Variants in PARD3B observed in about 807,000 individuals in gnomAD.
The protein encoded by PARD3B is par-3 family cell polarity regulator beta, also known as partitioning defective 3 homolog B.
In PARD3B, 103 loss-of-function variants were observed where a neutral mutation model predicts 130.2. That is an observed-to-expected ratio of 0.79 (90% CI 0.67 to 0.93). The LOEUF (loss-of-function observed/expected upper bound fraction) is 0.93, where lower values mean the gene tolerates loss of function less well. PARD3B is among the 40% of genes least tolerant of loss of function. The probability of loss-of-function intolerance (pLI) is 0.00; values close to 1 mark genes in which losing one functional copy is unlikely to be tolerated. For synonymous variants in PARD3B, 583 were observed against 553.2 expected, an observed-to-expected ratio of 1.05 and a Z score of -0.76; for missense variants, 1,609 against 1,499.2, an observed-to-expected ratio of 1.07 and a Z score of -1.21.
rs185237344 is a variant in PARD3B, at chr2:204,691,577, A to G, written c.222+5295A>G. ...CTTGGTTTCCCCATTTGTAAAATGA[A>G]TATAATGTTCTTACAGGGTTGGTGT... is the stretch of plus-strand genomic sequence containing the variant. On this transcript the variant is annotated intron_variant, in intron 2 of 22. Transcript: ENST00000406610. 1.7e-4 allele frequency among the ~76,000 whole-genome samples: 26 copies of G among 152,224 alleles called. 3 individuals are homozygous for G. The highest frequency in any genetic ancestry group is 1.5e-3 in the East Asian group (8 of 5,170).
chr2:205,147,647 T>G (rs553111196), intron 10 of PARD3B, among the ~76,000 whole-genome samples: 1 of 152,160 alleles, frequency 6.6e-6, no homozygotes, highest in Non-Finnish European at 1.5e-5. Context: ...TTATAAAGAA[T>G]GTCTAGAATT....
Position 204,778,553 on chromosome 2 carries a change from G to T in PARD3B, c.222+92271G>T, listed in dbSNP as rs575499268. Among the ~76,000 whole-genome samples, 73 of 152,248 alleles carry T rather than the reference G, an allele frequency of 4.8e-4. 1 individual carries two copies. In the South Asian group the frequency reaches 0.015, roughly 31 times the overall value. On this transcript the variant is annotated intron_variant, in intron 2 of 22. Transcript: ENST00000406610. ...TTGTACATGGATGATAGTGTAAAGT[G>T]CAGTATTGGATGGATCTGAAATTTC...
Position 205,301,750 on chromosome 2 carries a change from G to A in PARD3B, c.2630+49G>A. ...AGTTGGTTCTCATTTTGTCTCTCCT[G>A]GTAAAATCACTCCTTTGTCTGTACT... On this transcript the variant is annotated intron_variant, in intron 18 of 22. Transcript: ENST00000406610. This position sits in a 1 kb window ranked among gnomAD's most constrained non-coding sequence, Gnocchi z 5.2. 3 of 1,614,034 alleles carry A rather than the reference G, an allele frequency of 1.9e-6. No individual in the cohort carries two copies. The highest frequency in any genetic ancestry group is 2.5e-6 in the Non-Finnish European group (3 of 1,179,940).
intron 2 of PARD3B, among the ~76,000 whole-genome samples, chr2:204,813,596 A>G (rs1014704194): frequency 6.6e-6 from 1 of 152,034 alleles, no homozygotes; most frequent in Admixed American, 6.6e-5. Context: ...GCCTAATCTC[A>G]GTTTGCAAAG....
At chr2:205,469,096 T>C (rs561714221) in intron 20 of PARD3B, among the ~76,000 whole-genome samples, 2 of 152,296 alleles carry the variant, frequency 1.3e-5, no homozygotes, top group East Asian at 3.9e-4. Context: ...TGTGTTGGAA[T>C]TGACTGTTAA....
rs1172022769 is a variant in PARD3B, at chr2:204,887,230, C to T, written c.223-77922C>T. ...ATTAGAATCCATAGTAGTATGTTTCCATCTCAGAACCCACAAATTACCAAT... is the reference window on the plus strand; with the variant it reads ...ATTAGAATCCATAGTAGTATGTTTCTATCTCAGAACCCACAAATTACCAAT... On this transcript the variant is annotated intron_variant, in intron 2 of 22. Coordinates refer to ENST00000406610, the MANE Select transcript of PARD3B (RefSeq NM_001302769.2). The surrounding 1 kb of genome is among the most constrained non-coding windows in gnomAD (Gnocchi z 4.2). Among the ~76,000 whole-genome samples the T allele has an allele frequency of 6.6e-6, 1 of 152,040 alleles. No individual in the cohort carries two copies. Among genetic ancestry groups the T allele is most frequent in the Admixed American group, 6.6e-5 (1 of 15,264 alleles).
intron 12 of PARD3B, among the ~76,000 whole-genome samples, chr2:205,174,470 A>G (rs1225928649): frequency 6.6e-6 from 1 of 152,180 alleles, no homozygotes; most frequent in African/African-American, 2.4e-5. Context: ...AAGACAGAAG[A>G]CTAATGTACA....
chr2:204,912,515 C>T (rs1245860915), intron 2 of PARD3B, among the ~76,000 whole-genome samples: 1 of 152,078 alleles, frequency 6.6e-6, no homozygotes, highest in Non-Finnish European at 1.5e-5. Flanking sequence ...ATATACTTTA[C>T]TAACAGTTTC....
chr2:205,118,798 G>T, intron 6 of PARD3B, 123 bp from the exon 7 acceptor site: 1 of 755,158 alleles, frequency 1.3e-6, no homozygotes, highest in Non-Finnish European at 1.9e-6. Context: ...ACAGTTGCCT[G>T]AATATAAAGT....
chr2:204,946,214 C>A (rs1427653907), intron 2 of PARD3B, among the ~76,000 whole-genome samples: 1 of 152,216 alleles, frequency 6.6e-6, no homozygotes. Context: ...GAGTTGTATG[C>A]TCAGTTCTTA....
intron 2 of PARD3B, among the ~76,000 whole-genome samples, chr2:204,904,923 G>A (rs1264149989): frequency 3.3e-5 from 5 of 152,176 alleles, no homozygotes; most frequent in Non-Finnish European, 7.3e-5. Context: ...GAATGTAGGT[G>A]TGTTACTGAA....
chr2:204,611,312 T>C (rs1346727684), intron 1 of PARD3B, among the ~76,000 whole-genome samples: 1 of 152,196 alleles, frequency 6.6e-6, no homozygotes, highest in Non-Finnish European at 1.5e-5. Context: ...TATTAAAATT[T>C]GCTACATAGT....
rs146853845 is a variant in PARD3B, at chr2:204,979,296, G to C, written c.394+13973G>C. 3.1e-3 allele frequency among the ~76,000 whole-genome samples: 472 copies of C among 152,214 alleles called. 5 individuals carry two copies. Among genetic ancestry groups the C allele is most frequent in the African/African-American group, 0.011 (440 of 41,540 alleles). ...ATGATTCAATCTTTAGACTGCCCTA[G>C]AGTAAAGGCTGGGATGAAGGCGGGC... On this transcript the variant is annotated intron_variant, in intron 3 of 22. Coordinates refer to ENST00000406610, the MANE Select transcript of PARD3B (RefSeq NM_001302769.2).
chr2:204,546,481 AC>A (rs1415002331), intron 1 of PARD3B, among the ~76,000 whole-genome samples: 1 of 152,160 alleles, frequency 6.6e-6, no homozygotes, highest in Non-Finnish European at 1.5e-5. Flanking sequence ...GTTTGAGGGA[AC>A]GTCTTAAAAG....
In PARD3B at chr2:205,585,412, ATAG is replaced by A. The variant is rs1261233638; in HGVS notation, c.3261-30039_3261-30037del. Among the ~76,000 whole-genome samples the A allele has an allele frequency of 6.6e-6, 1 of 152,166 alleles. No homozygotes were observed. The highest frequency in any genetic ancestry group is 1.5e-5 in the Non-Finnish European group (1 of 68,026). On this transcript the variant is annotated intron_variant, in intron 22 of 22. Coordinates refer to ENST00000406610, the MANE Select transcript of PARD3B (RefSeq NM_001302769.2). The surrounding 1 kb of genome is among the most constrained non-coding windows in gnomAD (Gnocchi z 5.4). ...AGAATCCCCAGGGACCCTTTGGTAA[ATAG>A]TAGTTTTTAAAGGGTTAATCCAACC... is the stretch of plus-strand genomic sequence containing the variant.
intron 2 of PARD3B, among the ~76,000 whole-genome samples, chr2:204,894,402 A>G (rs1408179081): frequency 1.3e-5 from 2 of 152,122 alleles, no homozygotes; most frequent in African/African-American, 4.8e-5. Context: ...TTTAAGGAAT[A>G]TTAACAAAAC....
At chr2:204,665,485 C>A (rs1348222894) in intron 1 of PARD3B, among the ~76,000 whole-genome samples, 1 of 152,114 alleles carries the variant, frequency 6.6e-6, no homozygotes, top group Non-Finnish European at 1.5e-5. Flanking sequence ...ATGAAAAATT[C>A]CAGCCATTCC....
At chr2:205,238,847 AAAATATAT>A (rs2039193216) in intron 15 of PARD3B, among the ~76,000 whole-genome samples, 1 of 73,586 alleles carries the variant, frequency 1.4e-5, no homozygotes, top group Non-Finnish European at 2.3e-5. Context: ...AAAAAAAAAA[AAAATATAT>A]ATATATATAT....
chr2:205,181,864 C>T (rs2035806518), intron 13 of PARD3B, among the ~76,000 whole-genome samples: 1 of 152,188 alleles, frequency 6.6e-6, no homozygotes, highest in Non-Finnish European at 1.5e-5. Context: ...ACCTCGTACA[C>T]TCAATGAAAT....
Sources: gnomAD v4.1 joint callset for allele counts (sites outside exome capture counted in the v4.1 genomes callset) on GRCh38, gnomAD v4.1.1 for gene constraint, Gnocchi (gnomAD v3.1) non-coding constraint, MANE v1.5 for transcripts, NCBI Gene and HGNC (gene_info 2026-07-23, HGNC 2026-07-21) for gene names.